Variants in NBPF9 observed in about 807,000 individuals in gnomAD.
NBPF9 encodes the protein NBPF family member NBPF9.
NBPF9 carries 91 observed loss-of-function variants against 97.8 expected under a neutral mutation model. The observed-to-expected ratio is 0.93, with a 90% CI of 0.79 to 1.11. The LOEUF (loss-of-function observed/expected upper bound fraction) is 1.11. Ranked by LOEUF, NBPF9 falls within the 50% of genes least tolerant of loss-of-function variation. The pLI, the probability that NBPF9 is intolerant of heterozygous loss-of-function variation, is 0.00. For synonymous variants in NBPF9, 334 were observed against 359.5 expected (o/e 0.93, Z 0.80); for missense variants, 992 against 939.5 (o/e 1.06, Z -0.73).
intron 16 of NBPF9, 58 bp from the exon 17 acceptor site, chr1:149,069,703 C>A: frequency 7.2e-6 from 6 of 834,572 alleles, no homozygotes; most frequent in South Asian, 4.0e-5. Flanking sequence ...CACATATGAA[C>A]AAATCACTGT....
intron 16 of NBPF9, 76 bp downstream of exon 16, chr1:149,070,858 T>G (rs1553652744): frequency 4.6e-6 from 6 of 1,302,284 alleles, no homozygotes; most frequent in Non-Finnish European, 6.6e-6. Flanking sequence ...TGAATTTGTG[T>G]TTATAGAGCC....
At chr1:149,070,656 A>C (rs1207130309) in intron 16 of NBPF9, among the ~76,000 whole-genome samples, 7 of 151,812 alleles carry the variant, frequency 4.6e-5, no homozygotes, top group African/African-American at 1.7e-4. Flanking sequence ...AGAGATACTG[A>C]ATCGAAGCTA....
chr1:149,063,011 C>A, intron 20 of NBPF9, 98 bp from the exon 21 acceptor site: 1 of 596,762 alleles, frequency 1.7e-6, no homozygotes, highest in African/African-American at 2.1e-5. Context: ...TCAGGCTCCT[C>A]AGCATGAGAA....
At chr1:149,061,183 C>T in intron 23 of NBPF9, 149 bp downstream of exon 23, 1 of 334,840 alleles carries the variant, frequency 3.0e-6, no homozygotes, top group Non-Finnish European at 5.6e-6. Flanking sequence ...TAAATATCTA[C>T]TGCAATGAAA....
chr1:149,088,040 G>A (rs2081155438), intron 5 of NBPF9, among the ~76,000 whole-genome samples: 1 of 151,710 alleles, frequency 6.6e-6, no homozygotes, highest in Non-Finnish European at 1.5e-5. Context: ...ACTGTGTTAG[G>A]CATGATGGTC....
At chr1:149,074,517 G>C (rs587693071) in intron 12 of NBPF9, among the ~76,000 whole-genome samples, 8 of 151,560 alleles carry the variant, frequency 5.3e-5, no homozygotes, top group Non-Finnish European at 1.2e-4. Flanking sequence ...AATGTTCTAG[G>C]AGACTGACAA....
chr1:149,073,739 C>G (rs587770902), intron 13 of NBPF9, 29 bp downstream of exon 13: 34 of 1,543,812 alleles, frequency 2.2e-5, no homozygotes, highest in South Asian at 1.1e-4. Flanking sequence ...ACACCTGCCC[C>G]CCTGCCTGCC....
Position 149,071,593 on chromosome 1 carries a change from T to C in NBPF9, c.1379+11A>G. The C allele has an allele frequency of 1.6e-6, 2 of 1,238,514 alleles. No individual in the cohort carries two copies. Among genetic ancestry groups the C allele is most frequent in the South Asian group, 1.2e-5 (1 of 80,166 alleles). 76.7% of individuals were successfully genotyped at this position (1,238,514 alleles called of 1,614,324 possible). A position where few individuals can be genotyped will look rare whatever the true frequency, so the allele number is the denominator to read the frequency against. On this transcript the variant is annotated intron_variant, in intron 15 of 29. Transcript: ENST00000584027. ...ACCATCCATTAATTGTTCCTGAGTA[T>C]TCAGTGTTACCTGGGGGCAGACGAT...
At chr1:149,053,978 T>C (rs2078054441), downstream of NBPF9, 1 of 148,118 alleles carries the variant, frequency 6.8e-6, no homozygotes, top group African/African-American at 2.5e-5. Flanking sequence ...GTAAATACAT[T>C]CTGCTACATA....
At chr1:149,067,285 T>C (rs2079088768) in intron 17 of NBPF9, among the ~76,000 whole-genome samples, 1 of 119,800 alleles carries the variant, frequency 8.3e-6, no homozygotes, top group Non-Finnish European at 1.8e-5. Flanking sequence ...TTTTCCTTTA[T>C]TATTTTTTGT....
intron 25 of NBPF9, 145 bp from the exon 26 acceptor site, chr1:149,059,242 G>A: frequency 2.2e-6 from 1 of 455,560 alleles, no homozygotes; most frequent in East Asian, 2.9e-5. Context: ...TTGCCTTTAG[G>A]TTGGGATAGA....
chr1:149,072,601 CA>C, intron 14 of NBPF9, 116 bp downstream of exon 14: 1 of 1,444,110 alleles, frequency 6.9e-7, no homozygotes, highest in Admixed American at 1.8e-5. Context: ...ATGTCATGGC[CA>C]CATAAGCTTA....
chr1:149,084,084 T>C (rs2080763960), intron 5 of NBPF9, among the ~76,000 whole-genome samples: 2 of 151,134 alleles, frequency 1.3e-5, no homozygotes, highest in African/African-American at 2.4e-5. Flanking sequence ...TTCTCACTCA[T>C]GGGTGGGAAA....
rs653500 is a variant in NBPF9 at position 149,073,750 on chromosome 1, C to A, written c.1091+18G>T. Reference sequence around the variant, plus strand: ...TTACACACCTGCCCCCCTGCCTGCCCCCATGGGGTCCCCTCACCTGAGCTC... The same window carrying A: ...TTACACACCTGCCCCCCTGCCTGCCACCATGGGGTCCCCTCACCTGAGCTC... On this transcript the variant is annotated intron_variant, in intron 13 of 29. Transcript: ENST00000584027. 7 of 1,580,552 alleles carry A rather than the reference C, an allele frequency of 4.4e-6. No individual in the cohort carries two copies. The highest frequency in any genetic ancestry group is 1.7e-5 in the Admixed American group (1 of 59,720).
At chr1:149,095,734 G>C (rs1479922720) in intron 4 of NBPF9, among the ~76,000 whole-genome samples, 65 of 152,102 alleles carry the variant, frequency 4.3e-4, no homozygotes, top group African/African-American at 1.5e-3. Flanking sequence ...TGAGGGAATT[G>C]CACATTAAAA....
exon 30 of NBPF9, chr1:149,055,650 G>T (rs587619741): frequency 1.7e-5 from 27 of 1,611,750 alleles, no homozygotes; most frequent in Admixed American, 3.3e-5. Context: ...GCTTAGTAAG[G>T]GCTGCTTATT....
intron 19 of NBPF9, among the ~76,000 whole-genome samples, chr1:149,064,035 C>T (rs1248254750): frequency 7.5e-6 from 1 of 133,026 alleles, no homozygotes; most frequent in Admixed American, 7.7e-5. Context: ...CACACACACA[C>T]ACAGAGCGAG....
In NBPF9 at chr1:149,059,721, T is replaced by C. The variant is rs1385513480; in HGVS notation, c.2564A>G (p.Asn855Ser). The C allele has an allele frequency of 6.7e-5, 39 of 579,118 alleles. 11 individuals carry two copies. The highest frequency in any genetic ancestry group is 1.1e-4 in the Non-Finnish European group (36 of 328,770). The allele number at this position is 579,118 out of a possible 1,614,324, so 35.9% of individuals were successfully genotyped here. A position where few individuals can be genotyped will look rare whatever the true frequency, so the allele number is the denominator to read the frequency against. The change falls in exon 25 of 30, where the codon AAT becomes AGT. Residue 855 changes from asparagine to serine, a missense_variant. Physicochemically the swap from Asn to Ser is conservative, Grantham distance 46. Transcript: ENST00000584027. The stretch of plus-strand genomic sequence containing the variant: ...TCACCTGGGGCATGGTGGGTTTTGA[T>C]TTTCTTCCCCTTCTTTTCTTCCCCT...
chr1:149,073,692 C>A (rs1168794922), intron 13 of NBPF9, 76 bp downstream of exon 13: 6 of 1,153,484 alleles, frequency 5.2e-6, no homozygotes, highest in Non-Finnish European at 6.5e-6. Context: ...TTAGCTCTTA[C>A]GTCTCCCCAC....
Sources: gnomAD v4.1 joint callset for allele counts (sites outside exome capture counted in the v4.1 genomes callset) on GRCh38, gnomAD v4.1.1 for gene constraint, MANE v1.5 for transcripts, NCBI Gene and HGNC (gene_info 2026-07-23, HGNC 2026-07-21) for gene names.